Variants in MYCBP2 observed in about 807,000 individuals in gnomAD.
MYCBP2 encodes the protein MYC binding protein 2, also known as E3 ubiquitin-protein ligase MYCBP2.
In MYCBP2, 120 loss-of-function variants were observed where a neutral mutation model predicts 525.3. That is an observed-to-expected ratio of 0.23 (90% CI 0.20 to 0.27). The LOEUF (loss-of-function observed/expected upper bound fraction) is 0.27. MYCBP2 is among the 10% of genes least tolerant of loss of function. MYCBP2 has a pLI of 1.00. For missense variants in MYCBP2, 4,149 were observed against 5,657.1 expected (o/e 0.73, Z 8.55); for synonymous variants, 1,894 against 1,955.8 (o/e 0.97, Z 0.83).
chr13:77,281,147 C>G, intron 3 of MYCBP2, among the ~76,000 whole-genome samples: 1 of 152,078 alleles, frequency 6.6e-6, no homozygotes, highest in Non-Finnish European at 1.5e-5. Context: ...ACACATATTT[C>G]TCCCTCCTTC....
chr13:77,049,362 A>T (rs1415217006), intron 82 of MYCBP2, among the ~76,000 whole-genome samples: 1 of 152,230 alleles, frequency 6.6e-6, no homozygotes, highest in East Asian at 1.9e-4. Flanking sequence ...AATGGTAAAA[A>T]GTAGTCATAC....
chr13:77,246,540 A>C (rs1345080367), intron 15 of MYCBP2, among the ~76,000 whole-genome samples: 1 of 147,578 alleles, frequency 6.8e-6, no homozygotes, highest in Non-Finnish European at 1.5e-5. Flanking sequence ...AAGAAGGAGA[A>C]GGAGGAGGAG....
intron 1 of MYCBP2, among the ~76,000 whole-genome samples, chr13:77,304,267 T>C (rs561040443): frequency 3.9e-5 from 6 of 152,308 alleles, no homozygotes; most frequent in South Asian, 2.1e-4. Context: ...AAATGTGATA[T>C]ATATACACAA....
intron 52 of MYCBP2, among the ~76,000 whole-genome samples, chr13:77,137,971 G>C (rs1010393920): frequency 6.6e-6 from 1 of 152,138 alleles, no homozygotes; most frequent in African/African-American, 2.4e-5. Flanking sequence ...AAAAGTGGTT[G>C]CTATAATTAT....
At position 77,326,228 on chromosome 13, in the gene MYCBP2, C is replaced by T. The variant is rs549035817; in HGVS notation, c.302+246G>A. Among the ~76,000 whole-genome samples, 2 of 146,912 alleles carry T rather than the reference C, an allele frequency of 1.4e-5. No homozygotes were observed. The highest frequency in any genetic ancestry group is 4.0e-4 in the East Asian group (2 of 4,988). ...CCTACCACCCCTCACTATCCCCCCA[C>T]ATAGGCAGGCAGACACACACACACA... On this transcript the variant is annotated intron_variant, in intron 1 of 82. Coordinates refer to ENST00000544440, the MANE Select transcript of MYCBP2 (RefSeq NM_015057.5). This position sits in a 1 kb window ranked among gnomAD's most constrained non-coding sequence, Gnocchi z 4.2.
chr13:77,053,499 G>A (rs1204343536), intron 80 of MYCBP2, among the ~76,000 whole-genome samples: 1 of 152,130 alleles, frequency 6.6e-6, no homozygotes, highest in African/African-American at 2.4e-5. Flanking sequence ...ATAAACGGTC[G>A]TTCACCAGCT....
intron 2 of MYCBP2, among the ~76,000 whole-genome samples, chr13:77,289,121 C>A (rs571549372): frequency 2.0e-5 from 3 of 151,662 alleles, no homozygotes; most frequent in African/African-American, 7.3e-5. Context: ...CAGGAAGTAT[C>A]TAAGATAAAC....
At chr13:77,228,172 T>C (rs1356587053) in intron 18 of MYCBP2, among the ~76,000 whole-genome samples, 2 of 152,204 alleles carry the variant, frequency 1.3e-5, no homozygotes, top group East Asian at 3.9e-4. Flanking sequence ...GCCAAAAATT[T>C]AGTCCAAATT....
intron 3 of MYCBP2, among the ~76,000 whole-genome samples, chr13:77,282,318 G>A (rs761013913): frequency 7.2e-5 from 11 of 151,842 alleles, no homozygotes; most frequent in Non-Finnish European, 1.3e-4. Context: ...GCTGAGGCAG[G>A]AGAATCACTT....
chr13:77,306,684 T>C (rs982827447), intron 1 of MYCBP2, among the ~76,000 whole-genome samples: 2 of 152,172 alleles, frequency 1.3e-5, no homozygotes, highest in African/African-American at 4.8e-5. Context: ...AACTCAAGCC[T>C]TGAAGCAATT....
Position 77,169,607 on chromosome 13 carries a change from T to G in MYCBP2, c.5895+7A>C. The G allele has an allele frequency of 6.2e-7, 1 of 1,601,886 alleles. No homozygotes were observed. The highest frequency in any genetic ancestry group is 8.5e-7 in the Non-Finnish European group (1 of 1,169,676). ...AACATTCAAAGTTATAGAATTAAAT[T>G]ACACACCTTGGGAATAGCAGCAGCT... On this transcript the variant is annotated splice_region_variant and intron_variant, in intron 39 of 82. Transcript: ENST00000544440.
At chr13:77,049,409 T>A (rs1387784572) in intron 82 of MYCBP2, among the ~76,000 whole-genome samples, 2 of 152,062 alleles carry the variant, frequency 1.3e-5, no homozygotes, top group Non-Finnish European at 2.9e-5. Flanking sequence ...TTGAAATGGA[T>A]AGTATATGTT....
intron 23 of MYCBP2, among the ~76,000 whole-genome samples, chr13:77,207,555 CACTG>C (rs1424742952): frequency 6.6e-6 from 1 of 152,092 alleles, no homozygotes; most frequent in African/African-American, 2.4e-5. Flanking sequence ...CACTAAACAC[CACTG>C]ACTGCAGACT....
chr13:77,221,593 C>A (rs942997230), intron 20 of MYCBP2, among the ~76,000 whole-genome samples: 1 of 151,992 alleles, frequency 6.6e-6, no homozygotes, highest in Non-Finnish European at 1.5e-5. Context: ...CTGTGAAGTG[C>A]CCTCTTTGCT....
At chr13:77,322,398 T>C (rs868346139) in intron 1 of MYCBP2, among the ~76,000 whole-genome samples, 37 of 152,212 alleles carry the variant, frequency 2.4e-4, no homozygotes, top group African/African-American at 8.0e-4. Flanking sequence ...TTCCAGTCTA[T>C]CAGTTCCCTC....
At chr13:77,189,375 C>T (rs1367323436) in intron 29 of MYCBP2, among the ~76,000 whole-genome samples, 1 of 152,076 alleles carries the variant, frequency 6.6e-6, no homozygotes, top group African/African-American at 2.4e-5. Context: ...AGTTATTCAA[C>T]CAGTGAGTAC....
At chr13:77,110,286 G>A (rs887464907) in intron 55 of MYCBP2, among the ~76,000 whole-genome samples, 2 of 152,152 alleles carry the variant, frequency 1.3e-5, no homozygotes, top group Non-Finnish European at 2.9e-5. Flanking sequence ...GCTGCTCTGG[G>A]AGTGTCTGTC....
At chr13:77,092,916 A>G (rs531272780) in intron 59 of MYCBP2, among the ~76,000 whole-genome samples, 4 of 152,312 alleles carry the variant, frequency 2.6e-5, no homozygotes, top group African/African-American at 9.6e-5. Context: ...GATTTACTAC[A>G]GCATTAAGTA....
intron 18 of MYCBP2, among the ~76,000 whole-genome samples, chr13:77,228,625 T>C (rs1486870679): frequency 6.6e-6 from 1 of 152,012 alleles, no homozygotes; most frequent in Non-Finnish European, 1.5e-5. Flanking sequence ...AATTGACAGA[T>C]GTGAATAATC....
Sources: allele counts gnomAD v4.1 joint callset (sites outside exome capture counted in the v4.1 genomes callset), GRCh38; gene constraint gnomAD v4.1.1; non-coding constraint Gnocchi (gnomAD v3.1); transcripts MANE v1.5; gene names NCBI Gene and HGNC (gene_info 2026-07-23, HGNC 2026-07-21).